The following CCN5 variants were observed in gnomAD, a reference collection of about 807,000 sequenced individuals.
CCN5 encodes CCN family member 5.
A neutral mutation model predicts 18.7 loss-of-function variants in CCN5; 17 were observed. The ratio of observed to expected loss-of-function variants is 0.91; its 90% CI spans 0.62 to 1.36. The LOEUF (loss-of-function observed/expected upper bound fraction) is 1.36, where lower values mean the gene tolerates loss of function less well. Ranked by LOEUF, CCN5 falls within the 40% of genes most tolerant of loss-of-function variation. The pLI, the probability that CCN5 is intolerant of heterozygous loss-of-function variation, is 0.00. For synonymous variants in CCN5, 135 were observed against 145.2 expected (o/e 0.93, Z 0.50); for missense variants, 367 against 342.9 (o/e 1.07, Z -0.56).
At chr20:44,725,850 G>C (rs1013684055) in intron 3 of CCN5, among the ~76,000 whole-genome samples, 10 of 152,188 alleles carry the variant, frequency 6.6e-5, no homozygotes, top group Admixed American at 6.5e-5. Flanking sequence ...TTCAATTTTA[G>C]AGATTTTTGT....
At chr20:44,724,601 A>G in intron 2 of CCN5, 137 bp from the exon 3 acceptor site, 2 of 1,361,884 alleles carry the variant, frequency 1.5e-6, no homozygotes, top group South Asian at 3.0e-5. Flanking sequence ...GGAGAGGTGC[A>G]TATCCTGGGC....
At chr20:44,715,777 A>G (rs2065855704) in intron 1 of CCN5, among the ~76,000 whole-genome samples, 1 of 152,176 alleles carries the variant, frequency 6.6e-6, no homozygotes, top group Non-Finnish European at 1.5e-5. Context: ...AGAGGACTTT[A>G]ATGTATCCTC....
chr20:44,719,019 C>T (rs1179231037), intron 1 of CCN5, among the ~76,000 whole-genome samples: 1 of 152,214 alleles, frequency 6.6e-6, no homozygotes, highest in African/African-American at 2.4e-5. Flanking sequence ...AGGCCAAAAA[C>T]ATCCATGATA....
Position 44,727,233 on chromosome 20 carries a change from A to C in CCN5, c.679A>C (p.Thr227Pro). 1 of 1,613,434 alleles carries C rather than the reference A, an allele frequency of 6.2e-7. No homozygotes were observed. Among genetic ancestry groups the C allele is most frequent in the Non-Finnish European group, 8.5e-7 (1 of 1,179,934 alleles). ...SNQNRFCRLE[T>P]QRRLCLSRPC... ...CCAGAACCGCTTCTGCCGACTGGAGACCCAGCGCCGCCTGTGCCTGTCCAG... is the reference window on the plus strand; with the variant it reads ...CCAGAACCGCTTCTGCCGACTGGAGCCCCAGCGCCGCCTGTGCCTGTCCAG... Residue 227 changes from threonine to proline, a missense_variant, in exon 4 of 4, where the codon ACC (threonine) becomes CCC (proline). By Grantham distance (38) the Thr-to-Pro change is conservative. Coordinates refer to ENST00000190983, the MANE Select transcript of CCN5 (RefSeq NM_003881.4).
At chr20:44,725,352 C>A (rs375007283) in intron 3 of CCN5, among the ~76,000 whole-genome samples, 67 of 151,992 alleles carry the variant, frequency 4.4e-4, no homozygotes, top group African/African-American at 1.5e-3. Context: ...GCAGGAGAAT[C>A]GCTTGAACCC....
intron 1 of CCN5, among the ~76,000 whole-genome samples, chr20:44,717,565 C>G (rs1221219044): frequency 6.6e-6 from 1 of 152,190 alleles, no homozygotes; most frequent in Non-Finnish European, 1.5e-5. Flanking sequence ...CTATGTGAAT[C>G]ACCTGTGGAT....
intron 3 of CCN5, among the ~76,000 whole-genome samples, chr20:44,726,209 T>C (rs1023742107): frequency 2.0e-5 from 3 of 152,240 alleles, no homozygotes; most frequent in Non-Finnish European, 4.4e-5. Context: ...TTATTATCCC[T>C]GTGATGGAAT....
chr20:44,715,538 G>A, intron 1 of CCN5, 88 bp downstream of exon 1: 1 of 1,419,402 alleles, frequency 7.0e-7, no homozygotes, highest in Non-Finnish European at 9.7e-7. Context: ...GGACCCCCTT[G>A]GCAGAATTCC....
At chr20:44,715,265 GCGCGCGCGCGCGCGCGTGTGTACT>G (rs1232702090), upstream of CCN5, 3 of 444,024 alleles carry the variant, frequency 6.8e-6, no homozygotes, top group African/African-American at 2.6e-4. Context: ...GTGTGTGAGC[GCGCGCGCGCGCGCGCGTGTGTACT>G]CGTGCGTGTG....
intron 3 of CCN5, 75 bp from the exon 4 acceptor site, chr20:44,727,012 G>A: frequency 7.1e-7 from 1 of 1,407,120 alleles, no homozygotes; most frequent in Non-Finnish European, 9.6e-7. Context: ...AGATTGCCGT[G>A]GCCGCTGGCA....
intron 1 of CCN5, chr20:44,716,509 T>C (rs962806524): frequency 6.6e-6 from 1 of 152,250 alleles, no homozygotes; most frequent in Non-Finnish European, 1.5e-5. Context: ...GATGCCAGTG[T>C]GGGTGGCTTG....
chr20:44,720,236 T>C (rs1237363881), intron 2 of CCN5, 123 bp downstream of exon 2: 8 of 1,068,656 alleles, frequency 7.5e-6, no homozygotes, highest in African/African-American at 3.2e-5. Context: ...AGGTATCCCA[T>C]CCATTCCAGC....
chr20:44,719,088 C>T (rs2065879761), intron 1 of CCN5, among the ~76,000 whole-genome samples: 1 of 152,164 alleles, frequency 6.6e-6, no homozygotes, highest in Non-Finnish European at 1.5e-5. Flanking sequence ...GTACCAGACC[C>T]TACCATTTTC....
In CCN5 at chr20:44,717,967, G is replaced by A. The variant is rs554559284; in HGVS notation, c.61-1930G>A. Among the ~76,000 whole-genome samples the A allele has an allele frequency of 2.6e-5, 4 of 152,232 alleles. No homozygotes were observed. In the East Asian group the frequency reaches 5.8e-4, roughly 22 times the overall value. On this transcript the variant is annotated intron_variant, in intron 1 of 3. Transcript: ENST00000190983. ...AAAAATTCAGCTTCGGATTTATAGA[G>A]GGGCTCCAGATGCTGCCTCTCTGAC...
At chr20:44,725,699 T>C (rs1424821837) in intron 3 of CCN5, among the ~76,000 whole-genome samples, 1 of 149,728 alleles carries the variant, frequency 6.7e-6, no homozygotes, top group Non-Finnish European at 1.5e-5. Context: ...TATTAATATA[T>C]TTAGTAATTT....
chr20:44,726,804 C>T (rs541614219), intron 3 of CCN5, among the ~76,000 whole-genome samples: 4 of 152,228 alleles, frequency 2.6e-5, no homozygotes, highest in East Asian at 3.9e-4. Context: ...TCCAAAGAGA[C>T]GAGAAAACCA....
At chr20:44,720,231 TC>T in intron 2 of CCN5, 118 bp downstream of exon 2, 1 of 1,073,524 alleles carries the variant, frequency 9.3e-7, no homozygotes, top group Non-Finnish European at 1.3e-6. Context: ...ACTTCAGGTA[TC>T]CCATCCATTC....
Position 44,724,770 on chromosome 20 carries a change from G to A in CCN5, c.310G>A (p.Gly104Ser). 5 of 1,612,692 alleles carry A rather than the reference G, an allele frequency of 3.1e-6. No individual in the cohort carries two copies. Among genetic ancestry groups the A allele is most frequent in the Non-Finnish European group, 4.2e-6 (5 of 1,179,834 alleles). ...AEDDSSCEVNGRLYREGETFQ... is the reference protein window; with the variant it reads ...AEDDSSCEVNSRLYREGETFQ... The stretch of plus-strand genomic sequence containing the variant: ...GGACGACAGCAGCTGTGAGGTGAAC[G>A]GCCGCCTGTATCGGGAAGGGGAGAC... The change falls in exon 3 of 4, where the codon GGC (glycine) becomes AGC (serine). Residue 104 changes from glycine (G) to serine (S), a missense_variant. Physicochemically the swap from Gly to Ser is moderately conservative, Grantham distance 56. Coordinates refer to ENST00000190983, the MANE Select transcript of CCN5 (RefSeq NM_003881.4).
At chr20:44,724,702 C>T (rs758451172) in intron 2 of CCN5, 36 bp from the exon 3 acceptor site, 6 of 1,609,800 alleles carry the variant, frequency 3.7e-6, no homozygotes, top group South Asian at 3.3e-5. Flanking sequence ...TGCCGCTTTG[C>T]GGGTCACCGA....
Sources: gnomAD v4.1 joint callset for allele counts (sites outside exome capture counted in the v4.1 genomes callset) on GRCh38, gnomAD v4.1.1 for gene constraint, MANE v1.5 for transcripts, NCBI Gene and HGNC (gene_info 2026-07-23, HGNC 2026-07-21) for gene names.